DISC1: variants seen among roughly 807,000 people sequenced by gnomAD.
The protein encoded by DISC1 is DISC1 scaffold protein.
In DISC1, 57 loss-of-function variants were observed where a neutral mutation model predicts 84.5. The ratio of observed to expected loss-of-function variants is 0.67; its 90% CI spans 0.55 to 0.84. DISC1 has a LOEUF of 0.84. Among genes scored for constraint, DISC1 ranks in the 40% least tolerant of loss-of-function variants. The probability of loss-of-function intolerance (pLI) is 0.00; values close to 1 mark genes in which losing one functional copy is unlikely to be tolerated. For synonymous variants in DISC1, 411 were observed against 415.2 expected, an observed-to-expected ratio of 0.99 and a Z score of 0.12; for missense variants, 1,000 against 1,057.8, an observed-to-expected ratio of 0.95 and a Z score of 0.76.
At chr1:231,995,675 A>C (rs1158936007) in intron 10 of DISC1, among the ~76,000 whole-genome samples, 1 of 151,830 alleles carries the variant, frequency 6.6e-6, no homozygotes, top group East Asian at 1.9e-4. Flanking sequence ...TGAACTCATC[A>C]TTTTTTATGG....
At chr1:231,989,009 G>T (rs1664838352) in intron 10 of DISC1, among the ~76,000 whole-genome samples, 1 of 152,142 alleles carries the variant, frequency 6.6e-6, no homozygotes, top group African/African-American at 2.4e-5. Context: ...ACCAGCCTCT[G>T]GGGTGTCCCA....
chr1:231,876,178 CATGAATA>C (rs1469198209), intron 9 of DISC1, among the ~76,000 whole-genome samples: 1 of 152,182 alleles, frequency 6.6e-6, no homozygotes, highest in African/African-American at 2.4e-5. Context: ...GTGGATCCTT[CATGAATA>C]GTTTAGCACT....
At chr1:232,022,924 C>G (rs1221096662) in intron 11 of DISC1, among the ~76,000 whole-genome samples, 1 of 152,154 alleles carries the variant, frequency 6.6e-6, no homozygotes, top group Non-Finnish European at 1.5e-5. Context: ...CTTGGAAAAA[C>G]AGCCCCACGA....
In DISC1 at chr1:231,807,425, C is replaced by T. The variant is rs1238661920; in HGVS notation, c.1792+7215C>T. On this transcript the variant is annotated intron_variant, in intron 8 of 12. Coordinates refer to ENST00000439617, the MANE Select transcript of DISC1 (RefSeq NM_018662.3). ...TATTGATCTGGTCCATCTGTTGAGT[C>T]ACCCTCCAATTTTTTTCTTCCACTT... is the stretch of plus-strand genomic sequence containing the variant. 2.0e-5 allele frequency among the ~76,000 whole-genome samples: 3 copies of T among 152,332 alleles called. No individual in the cohort carries two copies. The East Asian group carries it at 5.8e-4, about 29-fold the overall frequency.
At chr1:231,768,203 G>C (rs1187274499) in intron 5 of DISC1, among the ~76,000 whole-genome samples, 1 of 152,156 alleles carries the variant, frequency 6.6e-6, no homozygotes, top group Non-Finnish European at 1.5e-5. Context: ...AAGCATGAGT[G>C]GGGAGCGATG....
In DISC1 at chr1:231,860,537, T is replaced by C. The variant is rs931072375; in HGVS notation, c.1981+42020T>C. On this transcript the variant is annotated intron_variant, in intron 9 of 12. Transcript: ENST00000439617. The stretch of plus-strand genomic sequence containing the variant: ...TCAAAAAATATTTTGTGTAATGTCT[T>C]ACGATGTGTGTGTTTGGAGCCTTCT... 3.3e-5 allele frequency among the ~76,000 whole-genome samples: 5 copies of C among 152,336 alleles called. No individual in the cohort carries two copies. The East Asian group carries it at 9.6e-4, about 29-fold the overall frequency.
chr1:231,660,425 T>A (rs1196388995), intron 1 of DISC1, among the ~76,000 whole-genome samples: 1 of 152,120 alleles, frequency 6.6e-6, no homozygotes, highest in Non-Finnish European at 1.5e-5. Flanking sequence ...TCTGTCCAGC[T>A]TGCCATTCTG....
At chr1:231,985,098 G>A (rs956721864) in intron 10 of DISC1, among the ~76,000 whole-genome samples, 2 of 151,926 alleles carry the variant, frequency 1.3e-5, no homozygotes, top group African/African-American at 4.8e-5. Context: ...AGGTGGGTGG[G>A]TCACCTGAGG....
intron 11 of DISC1, among the ~76,000 whole-genome samples, chr1:232,017,866 A>G (rs1398015139): frequency 6.6e-6 from 1 of 152,156 alleles, no homozygotes; most frequent in Non-Finnish European, 1.5e-5. Context: ...TTCTTATTCT[A>G]TTTCTTCACA....
chr1:231,648,604 A>G (rs917359902), intron 1 of DISC1, among the ~76,000 whole-genome samples: 8 of 152,002 alleles, frequency 5.3e-5, no homozygotes, highest in East Asian at 3.9e-4. Flanking sequence ...CTCTTTTTCT[A>G]TTGATTGGAA....
At chr1:231,872,239 T>C (rs750443309) in intron 9 of DISC1, among the ~76,000 whole-genome samples, 7 of 152,232 alleles carry the variant, frequency 4.6e-5, no homozygotes, top group Non-Finnish European at 7.3e-5. Context: ...CTCTTCAACA[T>C]TGGCTTTCTT....
At chr1:231,644,330 T>TA (rs1474733768) in intron 1 of DISC1, among the ~76,000 whole-genome samples, 1 of 151,936 alleles carries the variant, frequency 6.6e-6, no homozygotes, top group Admixed American at 6.6e-5. Context: ...AGGCTGGCCT[T>TA]TCACTTACCT....
At chr1:231,683,112 C>T (rs2063851482) in intron 1 of DISC1, among the ~76,000 whole-genome samples, 1 of 152,178 alleles carries the variant, frequency 6.6e-6, no homozygotes, top group Admixed American at 6.5e-5. Context: ...ATAGACCATA[C>T]TTTTTCTACT....
At chr1:231,659,274 G>A (rs563351961) in intron 1 of DISC1, among the ~76,000 whole-genome samples, 1 of 152,232 alleles carries the variant, frequency 6.6e-6, no homozygotes, top group Admixed American at 6.5e-5. Context: ...GCATAGAGGT[G>A]TTTACAGTAT....
chr1:231,958,158 G>A (rs767389883), intron 9 of DISC1, among the ~76,000 whole-genome samples: 5 of 152,140 alleles, frequency 3.3e-5, no homozygotes, highest in Admixed American at 2.0e-4. Context: ...TTCATTCCTC[G>A]GATGAGCAAA....
At chr1:231,903,494 A>G (rs1276349212) in intron 9 of DISC1, among the ~76,000 whole-genome samples, 2 of 152,252 alleles carry the variant, frequency 1.3e-5, no homozygotes, top group African/African-American at 2.4e-5. Context: ...GTGAGTGATT[A>G]CAAGTGCTAG....
intron 1 of DISC1, among the ~76,000 whole-genome samples, chr1:231,635,109 T>C (rs2059085515): frequency 6.6e-6 from 1 of 152,034 alleles, no homozygotes; most frequent in Non-Finnish European, 1.5e-5. Flanking sequence ...CTGGATTATG[T>C]CATTATGTCT....
At chr1:231,975,480 C>T (rs1662659800) in intron 10 of DISC1, among the ~76,000 whole-genome samples, 1 of 151,982 alleles carries the variant, frequency 6.6e-6, no homozygotes, top group Non-Finnish European at 1.5e-5. Context: ...GGAAATCTAC[C>T]CAAAGGAAAA....
At chr1:231,783,855 A>C (rs770636034) in intron 6 of DISC1, among the ~76,000 whole-genome samples, 13 of 152,250 alleles carry the variant, frequency 8.5e-5, no homozygotes, top group Non-Finnish European at 1.6e-4. Flanking sequence ...AATCTTTTCC[A>C]AGAAAAGATC....
Sources: gnomAD v4.1 joint callset for allele counts (sites outside exome capture counted in the v4.1 genomes callset) on GRCh38, gnomAD v4.1.1 for gene constraint, MANE v1.5 for transcripts, NCBI Gene and HGNC (gene_info 2026-07-23, HGNC 2026-07-21) for gene names.